The following RB1CC1 variants were observed in gnomAD, a reference collection of about 807,000 sequenced individuals.
RB1CC1 encodes the protein RB1-inducible coiled-coil protein 1.
RB1CC1 carries 46 observed loss-of-function variants against 177.5 expected under a neutral mutation model. That is an observed-to-expected ratio of 0.26 (90% CI 0.20 to 0.33). The LOEUF is 0.33. RB1CC1 is among the 10% of genes least tolerant of loss of function. The pLI is 1.00. For synonymous variants in RB1CC1, 666 were observed against 613.6 expected, an observed-to-expected ratio of 1.09 and a Z score of -1.26; for missense variants, 1,703 against 1,816.3, an observed-to-expected ratio of 0.94 and a Z score of 1.13.
intron 1 of RB1CC1, among the ~76,000 whole-genome samples, chr8:52,707,557 C>T (rs1856692837): frequency 6.6e-6 from 1 of 151,574 alleles, no homozygotes; most frequent in African/African-American, 2.4e-5. Flanking sequence ...ATGACATAAC[C>T]CTTACTTAGG....
chr8:52,699,838 T>A (rs1354810119), intron 1 of RB1CC1, among the ~76,000 whole-genome samples: 51 of 81,508 alleles, frequency 6.3e-4, no homozygotes, highest in East Asian at 2.3e-3. Flanking sequence ...AAAATATATA[T>A]ATATATATAT....
rs1476770667 is a variant in RB1CC1, at chr8:52,674,246, T to C, written c.601A>G (p.Lys201Glu). The change falls in exon 7 of 24, where the codon AAG (lysine) becomes GAG (glutamate). Residue 201 changes from lysine to glutamate, a missense_variant. Coordinates refer to ENST00000025008, the MANE Select transcript of RB1CC1 (RefSeq NM_014781.5). The stretch of plus-strand genomic sequence containing the variant: ...GTTAGGCACTCCAACAGTGGAATCT[T>C]GGCCATTACTGAAACTGCAGTTCCT... ...HLGTAVSVMA[K>E]IPLLECLTRH... 1.2e-6 allele frequency: 2 copies of C among 1,609,794 alleles called. No homozygotes were observed. The highest frequency in any genetic ancestry group is 1.7e-6 in the Non-Finnish European group (2 of 1,176,124).
At chr8:52,648,125 C>G (rs954900485) in intron 15 of RB1CC1, among the ~76,000 whole-genome samples, 3 of 152,110 alleles carry the variant, frequency 2.0e-5, no homozygotes, top group African/African-American at 7.2e-5. Flanking sequence ...ACACCCCTGA[C>G]ACTCTCTGTA....
chr8:52,684,057 C>T (rs1305313786), intron 3 of RB1CC1, 44 bp from the exon 4 acceptor site: 2 of 1,570,294 alleles, frequency 1.3e-6, no homozygotes, highest in East Asian at 2.3e-5. Context: ...TATATTTGCC[C>T]AATGACTTTA....
At chr8:52,648,379 T>G (rs569119723) in intron 15 of RB1CC1, among the ~76,000 whole-genome samples, 3 of 152,310 alleles carry the variant, frequency 2.0e-5, no homozygotes, top group African/African-American at 7.2e-5. Context: ...ACTTTAATTT[T>G]ACATTACCCT....
intron 13 of RB1CC1, among the ~76,000 whole-genome samples, chr8:52,658,579 G>GAAAAAAAAA (rs67680393): frequency 1.8e-4 from 18 of 98,784 alleles, no homozygotes; most frequent in Non-Finnish European, 2.9e-4. Flanking sequence ...TCCGTCTCAA[G>GAAAAAAAAA]AAAAAAAAAA....
intron 16 of RB1CC1, among the ~76,000 whole-genome samples, chr8:52,645,415 G>A (rs1849930369): frequency 2.0e-5 from 3 of 152,302 alleles, no homozygotes; most frequent in African/African-American, 7.2e-5. Context: ...ACCAGGAACA[G>A]AATTTACATT....
In RB1CC1 at chr8:52,714,133, T is replaced by C. The variant is rs766802820; in HGVS notation, c.-225A>G. The C allele has an allele frequency of 7.7e-5, 24 of 310,622 alleles. No homozygotes were observed. Among genetic ancestry groups the C allele is most frequent in the South Asian group, 5.4e-4 (24 of 44,468 alleles). The allele number at this position is 310,622 out of a possible 1,614,324, so 19.2% of individuals were successfully genotyped here. A position where few individuals can be genotyped will look rare whatever the true frequency, so the allele number is the denominator to read the frequency against. On this transcript the variant is annotated 5_prime_UTR_variant, in exon 1 of 24. An upstream start codon of the reference 5' UTR is lost. Transcript: ENST00000025008. ...GCAGAGCCAGCGACCCCCGGCACCA[T>C]CTTCCGCCGCCGCCTAGTCCTCGGC...
chr8:52,666,571 C>A (rs1852088839), intron 8 of RB1CC1, among the ~76,000 whole-genome samples: 2 of 150,502 alleles, frequency 1.3e-5, no homozygotes, highest in South Asian at 2.1e-4. Context: ...TAAACAGACA[C>A]ACAGGAACAG....
intron 6 of RB1CC1, among the ~76,000 whole-genome samples, chr8:52,675,888 GAA>G (rs1268855883): frequency 6.9e-5 from 5 of 72,172 alleles, no homozygotes; most frequent in African/African-American, 9.4e-5. Context: ...CTCCGTCTCA[GAA>G]AAAAAAAAAA....
At chr8:52,625,832 T>A (rs1008275673) in intron 22 of RB1CC1, among the ~76,000 whole-genome samples, 2 of 152,210 alleles carry the variant, frequency 1.3e-5, no homozygotes, top group Non-Finnish European at 2.9e-5. Context: ...CAAAAAGTTT[T>A]AAGTAGAACT....
At chr8:52,654,635 A>C (rs1052782247) in intron 15 of RB1CC1, among the ~76,000 whole-genome samples, 1 of 152,160 alleles carries the variant, frequency 6.6e-6, no homozygotes, top group South Asian at 2.1e-4. Context: ...CTCCTGAACT[A>C]AACTTCAATC....
Position 52,675,276 on chromosome 8 carries a change from G to C in RB1CC1, c.573-1002C>G, listed in dbSNP as rs192543986. Among the ~76,000 whole-genome samples, 60 of 151,854 alleles carry C rather than the reference G, an allele frequency of 4.0e-4. No individual in the cohort carries two copies. In the East Asian group the frequency reaches 0.011, roughly 28 times the overall value. ...AAAACAGAGAAATCTGAATTTAAAA[G>C]GTTACCCAAATTTAAAAAAATCAAA... On this transcript the variant is annotated intron_variant, in intron 6 of 23. Coordinates refer to ENST00000025008, the MANE Select transcript of RB1CC1 (RefSeq NM_014781.5).
At position 52,623,769 on chromosome 8, in the gene RB1CC1, T is replaced by C; in HGVS notation, c.*13A>G. ...AAAAAAATGTCATAGAATGTATTAA[T>C]TTTGTCCATAAGTTATACTTTCTTA... On this transcript the variant is annotated 3_prime_UTR_variant, in exon 24 of 24. Coordinates refer to ENST00000025008, the MANE Select transcript of RB1CC1 (RefSeq NM_014781.5). 6.4e-7 allele frequency: 1 copy of C among 1,562,430 alleles called. No individual in the cohort carries two copies. The highest frequency in any genetic ancestry group is 8.8e-7 in the Non-Finnish European group (1 of 1,133,664).
At chr8:52,660,834 C>T in intron 11 of RB1CC1, 92 bp downstream of exon 11, 1 of 1,151,624 alleles carries the variant, frequency 8.7e-7, no homozygotes, top group Non-Finnish European at 1.2e-6. Context: ...TGGCAATTAA[C>T]AGCATATACA....
Position 52,657,833 on chromosome 8 carries a change from T to C in RB1CC1, c.1996A>G (p.Thr666Ala). 4 of 1,613,634 alleles carry C rather than the reference T, an allele frequency of 2.5e-6. No homozygotes were observed. Among genetic ancestry groups the C allele is most frequent in the African/African-American group, 1.3e-5 (1 of 74,856 alleles). ...AGTGGTGGAGGAGTTCTCGGTGAGG[T>C]AGTAGTTGTAATTCCTGCTGTACTT... is the stretch of plus-strand genomic sequence containing the variant. ...MESTAGITTT[T>A]SPRTPPPLTV... The change falls in exon 15 of 24, where the codon ACC (threonine) becomes GCC (alanine). Residue 666 changes from threonine to alanine, a missense_variant. Thr to Ala is a moderately conservative substitution (Grantham distance 58). Transcript: ENST00000025008.
At chr8:52,641,640 T>A (rs1040680554) in intron 18 of RB1CC1, among the ~76,000 whole-genome samples, 1 of 152,094 alleles carries the variant, frequency 6.6e-6, no homozygotes, top group South Asian at 2.1e-4. Flanking sequence ...TCATCTCACA[T>A]GGGGGTGTAG....
At chr8:52,643,745 T>G (rs1849773700) in intron 16 of RB1CC1, among the ~76,000 whole-genome samples, 1 of 151,514 alleles carries the variant, frequency 6.6e-6, no homozygotes, top group Non-Finnish European at 1.5e-5. Context: ...TTTGAGCTTC[T>G]TGAAATGTAA....
At chr8:52,645,989 G>A in intron 15 of RB1CC1, 122 bp from the exon 16 acceptor site, 1 of 927,760 alleles carries the variant, frequency 1.1e-6, no homozygotes, top group Admixed American at 2.8e-5. Flanking sequence ...AGATATCTGT[G>A]TGAACCCTCT....
Sources: gnomAD v4.1 joint callset for allele counts (sites outside exome capture counted in the v4.1 genomes callset) on GRCh38, gnomAD v4.1.1 for gene constraint, MANE v1.5 for transcripts, NCBI Gene and HGNC (gene_info 2026-07-23, HGNC 2026-07-21) for gene names.